The following ZNF84 variants were observed in gnomAD, a reference collection of about 807,000 sequenced individuals.
ZNF84 encodes the protein zinc finger protein 84.
ZNF84 carries 12 observed loss-of-function variants against 14.8 expected under a neutral mutation model. That is an observed-to-expected ratio of 0.81 (90% confidence interval 0.52 to 1.31). ZNF84 has a LOEUF of 1.31. Ranked by LOEUF, ZNF84 falls within the 50% of genes most tolerant of loss-of-function variation. ZNF84 has a pLI of 0.00. For synonymous variants in ZNF84, 347 were observed against 291.1 expected, an observed-to-expected ratio of 1.19 and a Z score of -1.96; for missense variants, 859 against 878.6, an observed-to-expected ratio of 0.98 and a Z score of 0.28.
intron 2 of ZNF84, among the ~76,000 whole-genome samples, chr12:133,047,041 A>G (rs1456995440): frequency 6.7e-6 from 1 of 149,834 alleles, no homozygotes; most frequent in Non-Finnish European, 1.5e-5. Context: ...GGCACAAGTG[A>G]TCCTCCCGCA....
At position 133,062,958 on chromosome 12, in the gene ZNF84, CT is replaced by C; in HGVS notation, c.*4027del. Reference sequence around the variant, plus strand: ...TATGAACCTGTACGTGTGTTTCTCACTGTGATAATATAATCATTGCATGTTT... The same window carrying C: ...TATGAACCTGTACGTGTGTTTCTCACGTGATAATATAATCATTGCATGTTT... On this transcript the variant is annotated 3_prime_UTR_variant, in exon 5 of 5. Coordinates refer to ENST00000539354, the MANE Select transcript of ZNF84 (RefSeq NM_001289971.2). 1.6e-6 allele frequency: 1 copy of C among 621,322 alleles called. No individual in the cohort carries two copies. The highest frequency in any genetic ancestry group is 1.9e-5 in the South Asian group (1 of 52,148). 38.5% of individuals were successfully genotyped at this position (621,322 alleles called of 1,614,324 possible).
At chr12:133,040,690 C>A (rs1404035389) in intron 1 of ZNF84, 1 of 151,552 alleles carries the variant, frequency 6.6e-6, no homozygotes, top group African/African-American at 2.4e-5. Flanking sequence ...TTTTTTAAAA[C>A]CCCTATTTAA....
intron 1 of ZNF84, chr12:133,038,076 C>T (rs1433652144): frequency 6.6e-6 from 1 of 151,912 alleles, no homozygotes; most frequent in African/African-American, 2.4e-5. Context: ...CGAAATCTCC[C>T]CTCAAATTAT....
chr12:133,043,006 C>A (rs1284098318), intron 2 of ZNF84, among the ~76,000 whole-genome samples: 2 of 152,088 alleles, frequency 1.3e-5, no homozygotes, highest in African/African-American at 2.4e-5. Flanking sequence ...AGTTCTGCTC[C>A]TATCTGTGCG....
chr12:133,061,318 T>G lies in ZNF84; in HGVS notation c.*2386T>G, dbSNP rs1954260369. On this transcript the variant is annotated 3_prime_UTR_variant, in exon 5 of 5. Transcript: ENST00000539354. ...GTTCATGGCCAACATGGCAAAACCC[T>G]GTCTTAAATTAGCCGGGCATGGTTG... The G allele has an allele frequency of 6.6e-6, 1 of 152,048 alleles. No individual in the cohort carries two copies. 9.4% of individuals were successfully genotyped at this position (152,048 alleles called of 1,614,324 possible).
intron 2 of ZNF84, among the ~76,000 whole-genome samples, chr12:133,046,229 T>C (rs1953974789): frequency 6.6e-6 from 1 of 152,104 alleles, no homozygotes; most frequent in South Asian, 2.1e-4. Flanking sequence ...AACAAGAAAG[T>C]GTCCTAGCTA....
intron 2 of ZNF84, among the ~76,000 whole-genome samples, chr12:133,044,204 G>A (rs1037229440): frequency 3.3e-5 from 5 of 152,044 alleles, no homozygotes; most frequent in Admixed American, 2.6e-4. Context: ...GAGTGCAGTG[G>A]CACAATCATA....
At chr12:133,038,092 T>C (rs1167764817) in intron 1 of ZNF84, 1 of 152,224 alleles carries the variant, frequency 6.6e-6, no homozygotes, top group Non-Finnish European at 1.5e-5. Flanking sequence ...ATTATACATA[T>C]ATTCATTCAC....
At chr12:133,054,320 G>A (rs1954115317) in intron 4 of ZNF84, among the ~76,000 whole-genome samples, 1 of 152,138 alleles carries the variant, frequency 6.6e-6, no homozygotes, top group Admixed American at 6.6e-5. Flanking sequence ...GGGAGCCTGG[G>A]GGGTTGAGGC....
chr12:133,057,610 G>A lies in ZNF84; in HGVS notation c.895G>A (p.Ala299Thr). ...KPYECGECGK[A>T]FSRKSHLISH... is the part of the protein sequence containing the mutation. ...TTATGAGTGTGGTGAATGTGGGAAA[G>A]CCTTCTCCCGGAAGTCACATCTCAT... Residue 299 changes from alanine (A) to threonine (T), a missense_variant, in exon 5 of 5, where the codon GCC (alanine) becomes ACC (threonine). Coordinates refer to ENST00000539354, the MANE Select transcript of ZNF84 (RefSeq NM_001289971.2). 6.2e-7 allele frequency: 1 copy of A among 1,614,174 alleles called. No homozygotes were observed. The highest frequency in any genetic ancestry group is 1.1e-5 in the South Asian group (1 of 91,090).
At position 133,058,103 on chromosome 12, in the gene ZNF84, A is replaced by G; in HGVS notation, c.1388A>G (p.Lys463Arg). Reference sequence around the variant, plus strand: ...GGAGAAAAACCCTTTATATGCAGTAAATGTGGGAAAGCCTTCAGCAGGAAA... The same window carrying G: ...GGAGAAAAACCCTTTATATGCAGTAGATGTGGGAAAGCCTTCAGCAGGAAA... ...HTGEKPFICS[K>R]CGKAFSRKSQ... Residue 463 changes from lysine (K) to arginine (R), a missense_variant, in exon 5 of 5, where the codon AAA becomes AGA. Coordinates refer to ENST00000539354, the MANE Select transcript of ZNF84 (RefSeq NM_001289971.2). The G allele has an allele frequency of 6.2e-7, 1 of 1,614,048 alleles. No homozygotes were observed. Among genetic ancestry groups the G allele is most frequent in the African/African-American group, 1.3e-5 (1 of 75,046 alleles).
chr12:133,056,446 G>A (rs1327147648), intron 4 of ZNF84, among the ~76,000 whole-genome samples: 1 of 151,770 alleles, frequency 6.6e-6, no homozygotes, highest in African/African-American at 2.4e-5. Context: ...GTAGAGACGG[G>A]GTTTCACCAT....
At chr12:133,047,881 T>C (rs1954009102) in intron 2 of ZNF84, 74 bp from the exon 3 acceptor site, 1 of 1,555,282 alleles carries the variant, frequency 6.4e-7, no homozygotes, top group Non-Finnish European at 8.8e-7. Context: ...AATGAAGTGC[T>C]AAAGCTCCAA....
At chr12:133,047,782 G>C in intron 2 of ZNF84, 173 bp from the exon 3 acceptor site, 1 of 610,368 alleles carries the variant, frequency 1.6e-6, no homozygotes. Context: ...TGTATAAATG[G>C]AAGGATGGAA....
In ZNF84 at chr12:133,058,565, A is replaced by G; in HGVS notation, c.1850A>G (p.His617Arg). ...AFFEKSELIR[H>R]LRTHTGEKPY... ...TTTGAGAAGTCGGAGCTAATTAGAC[A>G]TCTGAGAACTCATACAGGAGAAAAA... The change falls in exon 5 of 5, where the codon CAT becomes CGT. Residue 617 changes from histidine to arginine, a missense_variant. Physicochemically the swap from His to Arg is conservative, Grantham distance 29. Coordinates refer to ENST00000539354, the MANE Select transcript of ZNF84 (RefSeq NM_001289971.2). 4 of 1,614,028 alleles carry G rather than the reference A, an allele frequency of 2.5e-6. No homozygotes were observed. Among genetic ancestry groups the G allele is most frequent in the Non-Finnish European group, 2.5e-6 (3 of 1,179,984 alleles).
intron 1 of ZNF84, among the ~76,000 whole-genome samples, chr12:133,039,916 G>A (rs1407302164): frequency 2.2e-4 from 33 of 150,430 alleles, no homozygotes; most frequent in Non-Finnish European, 3.5e-4. Flanking sequence ...ACAATGGCAC[G>A]GGCTGCAACA....
At chr12:133,041,892 T>G (rs1394147397) in intron 2 of ZNF84, among the ~76,000 whole-genome samples, 1 of 152,246 alleles carries the variant, frequency 6.6e-6, no homozygotes, top group East Asian at 1.9e-4. Context: ...GAATGAGAGA[T>G]ATGCAGTAGT....
intron 2 of ZNF84, among the ~76,000 whole-genome samples, chr12:133,045,237 G>A (rs925945644): frequency 2.0e-5 from 3 of 152,150 alleles, no homozygotes; most frequent in Non-Finnish European, 4.4e-5. Flanking sequence ...TTGGGAGGCC[G>A]AGGTGGGTGG....
chr12:133,041,161 TTA>T (rs1238032486), intron 1 of ZNF84, 115 bp from the exon 2 acceptor site: 3 of 391,818 alleles, frequency 7.7e-6, no homozygotes, highest in Non-Finnish European at 1.4e-5. Flanking sequence ...GCTGTTTCAG[TTA>T]TATAGCAAGC....
Sources: allele counts gnomAD v4.1 joint callset (sites outside exome capture counted in the v4.1 genomes callset), GRCh38; gene constraint gnomAD v4.1.1; transcripts MANE v1.5; gene names NCBI Gene and HGNC (gene_info 2026-07-23, HGNC 2026-07-21).